The following ALPL variants were observed in gnomAD, a reference collection of about 807,000 sequenced individuals.
ALPL encodes the protein alkaline phosphatase, biomineralization associated, also known as alkaline phosphatase, tissue-nonspecific isozyme.
In ALPL, 42 loss-of-function variants were observed where a neutral mutation model predicts 51.3. The observed-to-expected ratio is 0.82, with a 90% CI of 0.64 to 1.06. The LOEUF (loss-of-function observed/expected upper bound fraction) is 1.06. ALPL is among the 50% of genes least tolerant of loss of function. The pLI, the probability that ALPL is intolerant of heterozygous loss-of-function variation, is 0.00. For synonymous variants in ALPL, 279 were observed against 296.4 expected (o/e 0.94, Z 0.60); for missense variants, 589 against 709.4 (o/e 0.83, Z 1.93).
chr1:21,577,265 C>T, intron 11 of ALPL, 118 bp from the exon 12 acceptor site: 1 of 1,534,936 alleles, frequency 6.5e-7, no homozygotes, highest in Non-Finnish European at 8.9e-7. Flanking sequence ...ATTGAGCCTC[C>T]TTTTCCTCTT....
intron 1 of ALPL, among the ~76,000 whole-genome samples, chr1:21,527,135 C>T (rs752695989): frequency 3.3e-5 from 5 of 151,384 alleles, no homozygotes; most frequent in African/African-American, 4.8e-5. Flanking sequence ...CGGGTTCAAG[C>T]GATTCTCCTG....
At chr1:21,524,843 G>A (rs577477667) in intron 1 of ALPL, among the ~76,000 whole-genome samples, 65 of 152,306 alleles carry the variant, frequency 4.3e-4, no homozygotes, top group Middle Eastern at 3.4e-3. Flanking sequence ...CGCGATTCCT[G>A]GGGGAAGGGA....
intron 1 of ALPL, among the ~76,000 whole-genome samples, chr1:21,527,928 A>G (rs984949756): frequency 6.6e-6 from 1 of 151,980 alleles, no homozygotes; most frequent in Non-Finnish European, 1.5e-5. Context: ...AGTTTGGTCA[A>G]TTCGACATTT....
At chr1:21,562,305 G>A (rs1644495861) in intron 4 of ALPL, among the ~76,000 whole-genome samples, 1 of 152,214 alleles carries the variant, frequency 6.6e-6, no homozygotes, top group African/African-American at 2.4e-5. Flanking sequence ...GCTTGACACA[G>A]GGTTGCCACA....
chr1:21,555,041 C>T (rs573024871), intron 2 of ALPL, among the ~76,000 whole-genome samples: 5 of 151,646 alleles, frequency 3.3e-5, no homozygotes, highest in African/African-American at 4.8e-5. Context: ...TGGGTGCAGG[C>T]GGGCTAAGTC....
rs557462709 is a variant in ALPL, at chr1:21,519,500, A to G, written c.-105+9983A>G. ...AGGGCATCTCTTTTTAAAAGGGAGA[A>G]AACTGAAGCTCAGAGGCTGGGCACA... On this transcript the variant is annotated intron_variant, in intron 1 of 11. Transcript: ENST00000374840. Among the ~76,000 whole-genome samples, 5 of 152,360 alleles carry G rather than the reference A, an allele frequency of 3.3e-5. No homozygotes were observed. The South Asian group carries it at 1.0e-3, about 32-fold the overall frequency.
chr1:21,522,151 A>G (rs1453768390), intron 1 of ALPL, among the ~76,000 whole-genome samples: 1 of 149,892 alleles, frequency 6.7e-6, no homozygotes, highest in Non-Finnish European at 1.5e-5. Context: ...GGCTCACTAC[A>G]AGCTCCACCT....
At chr1:21,524,350 G>C (rs1643915282) in intron 1 of ALPL, among the ~76,000 whole-genome samples, 1 of 152,100 alleles carries the variant, frequency 6.6e-6, no homozygotes, top group East Asian at 1.9e-4. Flanking sequence ...GCTGGGAGTG[G>C]TGGCACATGC....
At position 21,554,012 on chromosome 1, in the gene ALPL, G is replaced by GGCCCCCC; in HGVS notation, c.-70_-69insGCCCCCC. On this transcript the variant is annotated 5_prime_UTR_variant, in exon 2 of 12. Transcript: ENST00000374840. ...ATCAGTTAACATCTGACCACTGCCA[G>GGCCCCCC]CCCACCCCCTCCCACCCACGTCGAT... The GGCCCCCC allele has an allele frequency of 7.5e-5, 75 of 995,046 alleles. No individual in the cohort carries two copies. The highest frequency in any genetic ancestry group is 8.0e-5 in the Non-Finnish European group (50 of 623,696). 61.6% of individuals were successfully genotyped at this position (995,046 alleles called of 1,614,324 possible). A position where few individuals can be genotyped will look rare whatever the true frequency, so the allele number is the denominator to read the frequency against.
Position 21,560,681 on chromosome 1 carries a change from T to C in ALPL, c.117T>C (p.Tyr39=), listed in dbSNP as rs748438719. 5 of 1,614,100 alleles carry C rather than the reference T, an allele frequency of 3.1e-6. No individual in the cohort carries two copies. In the South Asian group the frequency reaches 4.4e-5, roughly 14 times the overall value. ...WRDQAQETLK[Y]ALELQKLNTN... is the part of the protein sequence containing the mutation. ...ACCAAGCGCAAGAGACACTGAAATA[T>C]GCCCTGGAGCTTCAGAAGCTCAACA... Residue 39 remains tyrosine (Y), a synonymous_variant, in exon 3 of 12, where the codon TAT becomes TAC. Transcript: ENST00000374840.
intron 1 of ALPL, among the ~76,000 whole-genome samples, chr1:21,527,967 C>T (rs1329650528): frequency 6.6e-6 from 1 of 151,450 alleles, no homozygotes; most frequent in Non-Finnish European, 1.5e-5. Flanking sequence ...CTGTTTTTTG[C>T]TAAACCTTTA....
intron 8 of ALPL, among the ~76,000 whole-genome samples, chr1:21,571,838 A>T (rs1333889384): frequency 6.6e-6 from 1 of 152,050 alleles, no homozygotes; most frequent in Non-Finnish European, 1.5e-5. Flanking sequence ...AAAATTTTTT[A>T]AAAACTGGCC....
At chr1:21,575,963 T>C in intron 10 of ALPL, 39 bp downstream of exon 10, 1 of 1,611,432 alleles carries the variant, frequency 6.2e-7, no homozygotes, top group South Asian at 1.1e-5. Flanking sequence ...TCCTGGGGTC[T>C]CCTGTCTACC....
Position 21,553,961 on chromosome 1 carries a change from CT to C in ALPL, c.-104-10del. 3.4e-6 allele frequency: 3 copies of C among 877,570 alleles called. No individual in the cohort carries two copies. Among genetic ancestry groups the C allele is most frequent in the South Asian group, 2.7e-5 (2 of 74,172 alleles). The allele number at this position is 877,570 out of a possible 1,614,324, so 54.4% of individuals were successfully genotyped here. On this transcript the variant is annotated splice_polypyrimidine_tract_variant and intron_variant, in intron 1 of 11. Coordinates refer to ENST00000374840, the MANE Select transcript of ALPL (RefSeq NM_000478.6). ...CTGTGCCCCACATGCCTCTTTTTCT[CT>C]TTTTTTAATTTCTAGGATTGGAACA...
In ALPL at chr1:21,564,246, C is replaced by A; in HGVS notation, c.648+30C>A. 3.1e-6 allele frequency: 5 copies of A among 1,610,522 alleles called. No homozygotes were observed. Among genetic ancestry groups the A allele is most frequent in the Non-Finnish European group, 4.2e-6 (5 of 1,179,340 alleles). The stretch of plus-strand genomic sequence containing the variant: ...GTGCTCGGGGGCAGCCGGGCAGGGA[C>A]GGGGTGAGGCGGGGCCTCTGGTGGG... On this transcript the variant is annotated intron_variant, in intron 6 of 11. Transcript: ENST00000374840. The surrounding 1 kb of genome is among the most constrained non-coding windows in gnomAD (Gnocchi z 5.8).
Position 21,577,640 on chromosome 1 carries a change from C to T in ALPL, c.1567C>T (p.Leu523=), listed in dbSNP as rs1455969376. Residue 523 remains leucine (L), a synonymous_variant, in exon 12 of 12, where the codon CTG becomes TTG. Coordinates refer to ENST00000374840, the MANE Select transcript of ALPL (RefSeq NM_000478.6). The stretch of plus-strand genomic sequence containing the variant: ...GCTGGCCCTCTACCCCCTGAGCGTC[C>T]TGTTCTGAGGGCCCAGGGCCCGGGC... The part of the protein sequence containing the change: ...LALALYPLSV[L]F 6.3e-7 allele frequency: 1 copy of T among 1,597,716 alleles called. No homozygotes were observed.
rs147382269 is a variant in ALPL at position 21,522,629 on chromosome 1, C to T, written c.-105+13112C>T. On this transcript the variant is annotated intron_variant, in intron 1 of 11. Transcript: ENST00000374840. ...CCCCAGATCCTAGGCTTAGAACAAA[C>T]GGGAACAGTAGTAGGCGAGTCAAGC... is the stretch of plus-strand genomic sequence containing the variant. Among the ~76,000 whole-genome samples, 240 of 152,248 alleles carry T rather than the reference C, an allele frequency of 1.6e-3. 2 individuals carry two copies. The highest frequency in any genetic ancestry group is 5.3e-3 in the African/African-American group (222 of 41,548).
chr1:21,526,196 A>G (rs890027784), intron 1 of ALPL, among the ~76,000 whole-genome samples: 1 of 152,048 alleles, frequency 6.6e-6, no homozygotes, highest in South Asian at 2.1e-4. Context: ...CTGGAGTGCC[A>G]TAGCGCCATC....
chr1:21,547,594 C>T (rs1644269745), intron 1 of ALPL, among the ~76,000 whole-genome samples: 2 of 152,224 alleles, frequency 1.3e-5, no homozygotes, highest in African/African-American at 4.8e-5. Flanking sequence ...GTTCAGCTTC[C>T]ATTTGTTCTC....
Sources: allele counts gnomAD v4.1 joint callset (sites outside exome capture counted in the v4.1 genomes callset), GRCh38; gene constraint gnomAD v4.1.1; non-coding constraint Gnocchi (gnomAD v3.1); transcripts MANE v1.5; gene names NCBI Gene and HGNC (gene_info 2026-07-23, HGNC 2026-07-21).